RIMS1: variants seen among roughly 807,000 people sequenced by gnomAD.
RIMS1 encodes the protein regulating synaptic membrane exocytosis 1, also known as regulating synaptic membrane exocytosis protein 1.
A neutral mutation model predicts 214.1 loss-of-function variants in RIMS1; 83 were observed. That is an observed-to-expected ratio of 0.39 (90% confidence interval 0.32 to 0.47). The LOEUF is 0.47. Ranked by LOEUF, RIMS1 falls within the 20% of genes least tolerant of loss-of-function variation. The pLI is 0.99. For synonymous variants in RIMS1, 793 were observed against 786.8 expected (o/e 1.01, Z -0.13); for missense variants, 2,050 against 2,161.8 (o/e 0.95, Z 1.03).
At position 72,242,255 on chromosome 6, in the gene RIMS1, G is replaced by T. The variant is rs1485847075; in HGVS notation, c.1958-59G>T. On this transcript the variant is annotated intron_variant, in intron 9 of 33. Transcript: ENST00000521978. ...CATTTCTTTGTTAAAAAAGAGAAAA[G>T]ATACGAAAAATAAACAGAATATATA... The T allele has an allele frequency of 3.9e-6, 5 of 1,291,346 alleles. No individual in the cohort carries two copies. The African/African-American group carries it at 6.1e-5, about 16-fold the overall frequency. 80.0% of individuals were successfully genotyped at this position (1,291,346 alleles called of 1,614,324 possible).
At chr6:72,023,146 A>C (rs1444914964) in intron 2 of RIMS1, among the ~76,000 whole-genome samples, 1 of 152,184 alleles carries the variant, frequency 6.6e-6, no homozygotes, top group Non-Finnish European at 1.5e-5. Context: ...ATTTAATCTT[A>C]ACTGGGAAGC....
chr6:72,173,287 T>A lies in RIMS1; in HGVS notation c.472-6288T>A, dbSNP rs917710828. Among the ~76,000 whole-genome samples the A allele has an allele frequency of 2.0e-5, 3 of 152,086 alleles. No homozygotes were observed. In the South Asian group the frequency reaches 6.2e-4, roughly 32 times the overall value. ...GATCTTTTTTTTAGCTTTGTTATAT[T>A]GAAATTTCATAATGATTTTTATCTT... On this transcript the variant is annotated intron_variant, in intron 4 of 33. Transcript: ENST00000521978.
intron 6 of RIMS1, among the ~76,000 whole-genome samples, chr6:72,190,238 C>T (rs531344090): frequency 6.6e-5 from 10 of 151,938 alleles, no homozygotes; most frequent in East Asian, 1.9e-4. Context: ...CCGAGGTGGG[C>T]GGATCACCTG....
At chr6:72,253,964 C>T (rs565488740) in intron 16 of RIMS1, among the ~76,000 whole-genome samples, 3 of 152,130 alleles carry the variant, frequency 2.0e-5, no homozygotes, top group Admixed American at 6.6e-5. Flanking sequence ...CTCCCAGGTT[C>T]GAGTGATTCT....
At chr6:72,001,421 C>A (rs1374644188) in intron 2 of RIMS1, among the ~76,000 whole-genome samples, 1 of 152,122 alleles carries the variant, frequency 6.6e-6, no homozygotes, top group Non-Finnish European at 1.5e-5. Flanking sequence ...CTATGATCCA[C>A]CATTCTTGGA....
chr6:72,394,858 A>G (rs1047594082), intron 31 of RIMS1, among the ~76,000 whole-genome samples: 2 of 152,100 alleles, frequency 1.3e-5, no homozygotes, highest in Non-Finnish European at 2.9e-5. Flanking sequence ...CATGCCTGAG[A>G]AAATGGAAAT....
intron 2 of RIMS1, among the ~76,000 whole-genome samples, chr6:72,026,460 C>CA (rs968370106): frequency 1.4e-5 from 2 of 139,894 alleles, no homozygotes; most frequent in East Asian, 2.4e-4. Context: ...GCACCGCCCC[C>CA]CCCCCCAACT....
chr6:72,277,723 A>ATGT (rs745497778), intron 23 of RIMS1, among the ~76,000 whole-genome samples: 92 of 152,318 alleles, frequency 6.0e-4, no homozygotes, highest in Admixed American at 1.8e-3. Flanking sequence ...ATTTCTAAAA[A>ATGT]TGTTGACCCT....
At chr6:71,890,957 T>G (rs1769651757) in intron 1 of RIMS1, among the ~76,000 whole-genome samples, 1 of 152,186 alleles carries the variant, frequency 6.6e-6, no homozygotes, top group Admixed American at 6.5e-5. Context: ...GACCTTTTAG[T>G]CTAAATCCAA....
intron 2 of RIMS1, 55 bp from the exon 3 acceptor site, chr6:72,096,894 T>C: frequency 1.4e-6 from 2 of 1,403,604 alleles, no homozygotes; most frequent in Non-Finnish European, 2.0e-6. Context: ...TTGTTTGTTC[T>C]TGGTTTTGTC....
intron 4 of RIMS1, among the ~76,000 whole-genome samples, chr6:72,145,669 A>G (rs1255219741): frequency 6.6e-6 from 1 of 152,218 alleles, no homozygotes; most frequent in Non-Finnish European, 1.5e-5. Context: ...GGAACCCCGT[A>G]TAAAGACTGT....
intron 2 of RIMS1, among the ~76,000 whole-genome samples, chr6:72,012,806 C>T (rs1263566195): frequency 1.3e-5 from 2 of 152,100 alleles, no homozygotes; most frequent in Non-Finnish European, 2.9e-5. Context: ...TAAATTATGT[C>T]TTAGAAAAGA....
At chr6:72,293,646 G>A (rs2093716292) in intron 26 of RIMS1, among the ~76,000 whole-genome samples, 1 of 151,782 alleles carries the variant, frequency 6.6e-6, no homozygotes, top group Non-Finnish European at 1.5e-5. Flanking sequence ...GGGTTCAAAA[G>A]CATATAAGGG....
Position 71,887,203 on chromosome 6 carries a change from C to T in RIMS1, c.164+16C>T, listed in dbSNP as rs776095490. The T allele has an allele frequency of 2.5e-6, 4 of 1,596,224 alleles. No homozygotes were observed. The highest frequency in any genetic ancestry group is 1.1e-5 in the South Asian group (1 of 88,110). Reference sequence around the variant, plus strand: ...CCATGCTCAAGTAAGCCAGCCCCAGCCGCGCCATCCATGCCTCCGTGCCTC... The same window carrying T: ...CCATGCTCAAGTAAGCCAGCCCCAGTCGCGCCATCCATGCCTCCGTGCCTC... On this transcript the variant is annotated intron_variant, in intron 1 of 33. Coordinates refer to ENST00000521978, the MANE Select transcript of RIMS1 (RefSeq NM_014989.7).
chr6:72,196,377 G>GTCTGTCTA (rs1554269277), intron 6 of RIMS1, among the ~76,000 whole-genome samples: 78 of 144,082 alleles, frequency 5.4e-4, no homozygotes, highest in South Asian at 2.2e-3. Flanking sequence ...CTGTCTGTCT[G>GTCTGTCTA]TCTATCTATC....
At chr6:72,101,864 A>G (rs1434624938) in intron 4 of RIMS1, among the ~76,000 whole-genome samples, 2 of 151,974 alleles carry the variant, frequency 1.3e-5, no homozygotes, top group Non-Finnish European at 1.5e-5. Flanking sequence ...TCTAATAATA[A>G]CTTGGAAGAT....
At chr6:71,896,419 A>G (rs1376263867) in intron 1 of RIMS1, among the ~76,000 whole-genome samples, 3 of 152,162 alleles carry the variant, frequency 2.0e-5, no homozygotes, top group African/African-American at 7.2e-5. Context: ...TATGGTATTT[A>G]GAGCTCCAAA....
At chr6:71,956,012 TG>T in intron 1 of RIMS1, among the ~76,000 whole-genome samples, 1 of 152,234 alleles carries the variant, frequency 6.6e-6, no homozygotes, top group South Asian at 2.1e-4. Context: ...AGTTTTTCAA[TG>T]AGGTAATTAT....
chr6:72,313,807 T>C (rs924558038), intron 28 of RIMS1, 135 bp downstream of exon 28: 11 of 855,306 alleles, frequency 1.3e-5, no homozygotes, highest in Non-Finnish European at 1.8e-5. Context: ...CTATGTAGTA[T>C]TGCCAACAGA....
Sources: gnomAD v4.1 joint callset for allele counts (sites outside exome capture counted in the v4.1 genomes callset) on GRCh38, gnomAD v4.1.1 for gene constraint, MANE v1.5 for transcripts, NCBI Gene and HGNC (gene_info 2026-07-23, HGNC 2026-07-21) for gene names.